Variants in SPAG16 observed in about 807,000 individuals in gnomAD.
SPAG16 encodes sperm-associated antigen 16 protein.
A neutral mutation model predicts 80.4 loss-of-function variants in SPAG16; 86 were observed. The ratio of observed to expected loss-of-function variants is 1.07; its 90% CI spans 0.90 to 1.28. The LOEUF (loss-of-function observed/expected upper bound fraction) is 1.28. Ranked by LOEUF, SPAG16 falls within the 50% of genes most tolerant of loss-of-function variation. SPAG16 has a pLI of 0.00. For missense variants in SPAG16, 870 were observed against 765.3 expected, an observed-to-expected ratio of 1.14 and a Z score of -1.61; for synonymous variants, 294 against 265.9, an observed-to-expected ratio of 1.11 and a Z score of -1.03.
chr2:213,831,782 C>T (rs921629660), intron 10 of SPAG16, among the ~76,000 whole-genome samples: 2 of 152,024 alleles, frequency 1.3e-5, no homozygotes, highest in East Asian at 1.9e-4. Context: ...CATTTTAAAA[C>T]TTTACAATAT....
At chr2:213,607,273 C>A (rs1312875862) in intron 10 of SPAG16, among the ~76,000 whole-genome samples, 2 of 152,064 alleles carry the variant, frequency 1.3e-5, no homozygotes, top group African/African-American at 4.8e-5. Context: ...TAAAATATTT[C>A]TTTCCTTGTA....
intron 10 of SPAG16, among the ~76,000 whole-genome samples, chr2:213,641,592 G>A (rs983682317): frequency 5.3e-5 from 8 of 152,156 alleles, no homozygotes; most frequent in African/African-American, 1.9e-4. Context: ...GCTTCCTTGG[G>A]GTTCCCTGAA....
Position 213,672,855 on chromosome 2 carries a change from G to GT in SPAG16, c.1070+182768dup, listed in dbSNP as rs1559363006. On this transcript the variant is annotated intron_variant, in intron 10 of 15. Transcript: ENST00000331683. Reference sequence around the variant, plus strand: ...TTTTTTTGTTTGTTTGTTTTATTTTGTTTGTTTTTTTTTTTTTTTTTGAGA... The same window carrying GT: ...TTTTTTTGTTTGTTTGTTTTATTTTGTTTTGTTTTTTTTTTTTTTTTTGAGA... Among the ~76,000 whole-genome samples the GT allele has an allele frequency of 4.5e-5, 6 of 133,614 alleles. No individual in the cohort carries two copies. The South Asian group carries it at 9.2e-4, about 20-fold the overall frequency. 87.7% of individuals were successfully genotyped at this position (133,614 alleles called of 152,430 possible).
chr2:214,209,950 T>C (rs766021542), intron 15 of SPAG16, among the ~76,000 whole-genome samples: 1 of 152,148 alleles, frequency 6.6e-6, no homozygotes, highest in Non-Finnish European at 1.5e-5. Flanking sequence ...GCCCTACTCT[T>C]ATACACATTT....
At chr2:213,702,802 GAT>G (rs894705265) in intron 10 of SPAG16, among the ~76,000 whole-genome samples, 5 of 152,024 alleles carry the variant, frequency 3.3e-5, no homozygotes, top group African/African-American at 1.2e-4. Flanking sequence ...TTCTAGAGTT[GAT>G]ATATATCAAG....
At chr2:213,869,267 A>ATATATATATATATATGTATATATATATG (rs2075845249) in intron 11 of SPAG16, among the ~76,000 whole-genome samples, 1 of 63,634 alleles carries the variant, frequency 1.6e-5, no homozygotes, top group African/African-American at 6.9e-5. Flanking sequence ...AAAAAAAAAT[A>ATATATATATATATATGTATATATATATG]TATATATATA....
At chr2:214,234,193 C>T (rs1688914151) in intron 15 of SPAG16, among the ~76,000 whole-genome samples, 1 of 152,180 alleles carries the variant, frequency 6.6e-6, no homozygotes. Flanking sequence ...TCAGCAACAT[C>T]CATGTCCCTG....
chr2:213,802,660 G>A (rs954966885), intron 10 of SPAG16, among the ~76,000 whole-genome samples: 2 of 151,934 alleles, frequency 1.3e-5, no homozygotes, highest in Admixed American at 6.6e-5. Flanking sequence ...TTCCCTAAGA[G>A]GAATAACATT....
At chr2:213,639,680 C>T (rs2062511998) in intron 10 of SPAG16, among the ~76,000 whole-genome samples, 1 of 151,992 alleles carries the variant, frequency 6.6e-6, no homozygotes, top group Admixed American at 6.6e-5. Context: ...AGATTCTTTC[C>T]TTTGTCTTGA....
At chr2:214,309,260 G>C (rs1695125648) in intron 15 of SPAG16, among the ~76,000 whole-genome samples, 1 of 151,694 alleles carries the variant, frequency 6.6e-6, no homozygotes, top group Admixed American at 6.6e-5. Flanking sequence ...TCTCTATACT[G>C]GTCATTTTGT....
At chr2:213,572,205 A>G (rs1329809351) in intron 10 of SPAG16, among the ~76,000 whole-genome samples, 1 of 86,350 alleles carries the variant, frequency 1.2e-5, no homozygotes, top group Non-Finnish European at 2.2e-5. Flanking sequence ...AGCTCAGAGT[A>G]ATTTGATCGT....
chr2:213,493,994 G>T (rs543093952), intron 10 of SPAG16, among the ~76,000 whole-genome samples: 1 of 152,034 alleles, frequency 6.6e-6, no homozygotes, highest in Non-Finnish European at 1.5e-5. Flanking sequence ...GCCACTCCCC[G>T]TGTCCACCAC....
intron 12 of SPAG16, among the ~76,000 whole-genome samples, chr2:213,953,641 G>C (rs1447654852): frequency 6.6e-6 from 1 of 151,802 alleles, no homozygotes; most frequent in African/African-American, 2.4e-5. Flanking sequence ...TAAATTATTA[G>C]CATTCTGAAA....
chr2:213,829,452 G>A, intron 10 of SPAG16, among the ~76,000 whole-genome samples: 1 of 152,118 alleles, frequency 6.6e-6, no homozygotes, highest in East Asian at 1.9e-4. Flanking sequence ...GTCAAGGCCT[G>A]AAATTAAGGA....
intron 10 of SPAG16, among the ~76,000 whole-genome samples, chr2:213,616,531 G>A (rs189622058): frequency 2.0e-5 from 3 of 152,266 alleles, no homozygotes; most frequent in East Asian, 1.9e-4. Context: ...ATCATAGAAG[G>A]GGGGTGTCAG....
chr2:213,458,926 A>G (rs2125603914), intron 9 of SPAG16, among the ~76,000 whole-genome samples: 1 of 152,272 alleles, frequency 6.6e-6, no homozygotes, highest in South Asian at 2.1e-4. Flanking sequence ...GTAGTTTACC[A>G]TGTTTTTTGA....
At chr2:214,276,209 C>T (rs1692451802) in intron 15 of SPAG16, among the ~76,000 whole-genome samples, 1 of 152,186 alleles carries the variant, frequency 6.6e-6, no homozygotes, top group Non-Finnish European at 1.5e-5. Context: ...AGATGGGTCT[C>T]CTGAATACAG....
intron 15 of SPAG16, among the ~76,000 whole-genome samples, chr2:214,332,564 C>T (rs1332234658): frequency 6.6e-6 from 1 of 152,142 alleles, no homozygotes; most frequent in African/African-American, 2.4e-5. Context: ...GGCTATGTTC[C>T]TCTGTTCTAT....
At chr2:213,668,305 CAT>C (rs2063686554) in intron 10 of SPAG16, among the ~76,000 whole-genome samples, 1 of 130,834 alleles carries the variant, frequency 7.6e-6, no homozygotes. Flanking sequence ...AGTTAGTACT[CAT>C]ATGGGTGCTT....
Sources: gnomAD v4.1 joint callset for allele counts (sites outside exome capture counted in the v4.1 genomes callset) on GRCh38, gnomAD v4.1.1 for gene constraint, MANE v1.5 for transcripts, NCBI Gene and HGNC (gene_info 2026-07-23, HGNC 2026-07-21) for gene names.